Variants in CATSPER3 observed in about 807,000 individuals in gnomAD.
The protein encoded by CATSPER3 is cation channel sperm-associated protein 3.
Under a neutral mutation model 36.6 loss-of-function variants are expected in CATSPER3, and 23 were observed. The ratio of observed to expected loss-of-function variants is 0.63; its 90% confidence interval spans 0.45 to 0.89. The LOEUF (loss-of-function observed/expected upper bound fraction) is 0.89. Ranked by LOEUF, CATSPER3 falls within the 40% of genes least tolerant of loss-of-function variation. The pLI, the probability that CATSPER3 is intolerant of heterozygous loss-of-function variation, is 0.00. For synonymous variants in CATSPER3, 172 were observed against 184.1 expected, an observed-to-expected ratio of 0.93 and a Z score of 0.53; for missense variants, 474 against 503.9, an observed-to-expected ratio of 0.94 and a Z score of 0.57.
chr5:134,998,492 C>A (rs2149551223), intron 3 of CATSPER3, among the ~76,000 whole-genome samples: 1 of 152,324 alleles, frequency 6.6e-6, no homozygotes, highest in South Asian at 2.1e-4. Flanking sequence ...GAGGAATCGC[C>A]ACACTGTCTT....
At chr5:134,989,550 C>G (rs555056074) in intron 2 of CATSPER3, among the ~76,000 whole-genome samples, 7 of 152,316 alleles carry the variant, frequency 4.6e-5, no homozygotes, top group Admixed American at 1.3e-4. Context: ...TCTCAAACCT[C>G]AAGAACCAAC....
At chr5:134,977,654 C>A (rs1198487322) in intron 2 of CATSPER3, among the ~76,000 whole-genome samples, 1 of 152,196 alleles carries the variant, frequency 6.6e-6, no homozygotes, top group Non-Finnish European at 1.5e-5. Flanking sequence ...AGTTCCAAAG[C>A]TGCTTCCACA....
At chr5:135,000,823 T>G (rs1051382966) in intron 3 of CATSPER3, among the ~76,000 whole-genome samples, 5 of 152,178 alleles carry the variant, frequency 3.3e-5, no homozygotes, top group Admixed American at 6.5e-5. Flanking sequence ...TCTTCTTTAT[T>G]AGTCTTGCTA....
chr5:135,010,193 G>A (rs975731265), intron 6 of CATSPER3, among the ~76,000 whole-genome samples, 180 bp from the exon 7 acceptor site: 4 of 152,154 alleles, frequency 2.6e-5, no homozygotes, highest in South Asian at 4.1e-4. Flanking sequence ...AATGGTGGCC[G>A]CCTCACCCCG....
chr5:135,001,400 A>G (rs1263275461), intron 3 of CATSPER3, among the ~76,000 whole-genome samples: 1 of 152,226 alleles, frequency 6.6e-6, no homozygotes, highest in Non-Finnish European at 1.5e-5. Flanking sequence ...TGTGTTGCTG[A>G]GAAGAATGTA....
chr5:135,003,656 G>T (rs1210309264), intron 3 of CATSPER3, among the ~76,000 whole-genome samples: 1 of 152,228 alleles, frequency 6.6e-6, no homozygotes, highest in Non-Finnish European at 1.5e-5. Context: ...GCAATGGCAG[G>T]CGCCCATCCC....
intron 2 of CATSPER3, among the ~76,000 whole-genome samples, chr5:134,991,346 A>G (rs1028848536): frequency 1.3e-5 from 2 of 152,228 alleles, no homozygotes; most frequent in African/African-American, 4.8e-5. Context: ...ACAATATTGA[A>G]AACGAGGAAC....
At position 134,995,877 on chromosome 5, in the gene CATSPER3, C is replaced by A. The variant is rs545784303; in HGVS notation, c.253-396C>A. 2.0e-5 allele frequency: 6 copies of A among 299,818 alleles called. No homozygotes were observed. The East Asian group carries it at 3.8e-4, about 19-fold the overall frequency. 18.6% of individuals were successfully genotyped at this position (299,818 alleles called of 1,614,324 possible). A position where few individuals can be genotyped will look rare whatever the true frequency, so the allele number is the denominator to read the frequency against. On this transcript the variant is annotated intron_variant, in intron 2 of 7. Coordinates refer to ENST00000282611, the MANE Select transcript of CATSPER3 (RefSeq NM_178019.3). ...TGTATGATTAAGTTAATAGATTAAA[C>A]ATAAGTAGATATCTGAGTATTTCAT...
In CATSPER3 at chr5:135,010,518, C is replaced by T. The variant is rs781691005; in HGVS notation, c.1082C>T (p.Thr361Ile). Residue 361 changes from threonine (T) to isoleucine (I), a missense_variant, in exon 7 of 8, where the codon ACA becomes ATA. Physicochemically the swap from Thr to Ile is moderately conservative, Grantham distance 89. Coordinates refer to ENST00000282611, the MANE Select transcript of CATSPER3 (RefSeq NM_178019.3). ...TTTTCCACTCTGGACTACCAGGACA[C>T]AACTGTCCACAAGTCAGTTCCAGCC... ...IYFSTLDYQDTTVHKLQELYY... is the reference protein window; with the variant it reads ...IYFSTLDYQDITVHKLQELYY... The T allele has an allele frequency of 1.2e-6, 2 of 1,614,142 alleles. No homozygotes were observed.
intron 2 of CATSPER3, among the ~76,000 whole-genome samples, chr5:134,985,485 T>C (rs1751797292): frequency 6.6e-6 from 1 of 152,056 alleles, no homozygotes; most frequent in Non-Finnish European, 1.5e-5. Flanking sequence ...CCTATTGGGT[T>C]CAATGCACAC....
intron 6 of CATSPER3, among the ~76,000 whole-genome samples, chr5:135,010,145 G>A (rs914350485): frequency 6.6e-6 from 1 of 152,148 alleles, no homozygotes; most frequent in African/African-American, 2.4e-5. Context: ...GAGAGCCTGC[G>A]CTGAGCCTCA....
chr5:134,968,219 G>C, intron 1 of CATSPER3, 130 bp downstream of exon 1: 2 of 715,190 alleles, frequency 2.8e-6, no homozygotes, highest in Non-Finnish European at 5.0e-6. Flanking sequence ...GCATGTCCTT[G>C]ACAATCTGGT....
In CATSPER3 at chr5:134,996,428, C is replaced by T; in HGVS notation, c.408C>T (p.Gly136=). 6.2e-7 allele frequency: 1 copy of T among 1,614,190 alleles called. No homozygotes were observed. ...CCTATGCCCTCCGCCAGCTCATGGG[C>T]AAACAGTTCACTTACCTGTATATCG... ...FLPYALRQLM[G]KQFTYLYIAD... is the part of the protein sequence containing the mutation. Residue 136 remains glycine, a synonymous_variant, in exon 3 of 8, where the codon GGC becomes GGT. Coordinates refer to ENST00000282611, the MANE Select transcript of CATSPER3 (RefSeq NM_178019.3).
intron 3 of CATSPER3, among the ~76,000 whole-genome samples, chr5:135,002,762 G>A (rs1752037199): frequency 1.3e-5 from 2 of 152,198 alleles, no homozygotes; most frequent in South Asian, 2.1e-4. Context: ...TGAAGCTTGT[G>A]CATGCATCGC....
chr5:135,001,811 C>T (rs2149551992), intron 3 of CATSPER3, among the ~76,000 whole-genome samples: 1 of 152,188 alleles, frequency 6.6e-6, no homozygotes, highest in African/African-American at 2.4e-5. Context: ...TTTCCATTTG[C>T]TTGGTAGATT....
intron 2 of CATSPER3, among the ~76,000 whole-genome samples, chr5:134,971,990 A>T (rs1399126414): frequency 6.6e-6 from 1 of 152,202 alleles, no homozygotes; most frequent in African/African-American, 2.4e-5. Context: ...CAATAGAAAA[A>T]GATTGATGCT....
chr5:134,968,306 A>G (rs938056887), intron 1 of CATSPER3: 7 of 542,176 alleles, frequency 1.3e-5, no homozygotes, highest in African/African-American at 1.1e-4. Context: ...GACCAGTTTG[A>G]CTGTTAGATA....
intron 2 of CATSPER3, among the ~76,000 whole-genome samples, chr5:134,993,187 A>G (rs543506036): frequency 2.0e-4 from 31 of 152,362 alleles, no homozygotes; most frequent in African/African-American, 7.5e-4. Flanking sequence ...CATTCCATGA[A>G]GTGAAAAAAG....
At chr5:134,983,626 T>G (rs1038418413) in intron 2 of CATSPER3, among the ~76,000 whole-genome samples, 6 of 152,052 alleles carry the variant, frequency 3.9e-5, no homozygotes, top group Admixed American at 2.6e-4. Context: ...AAAAGATAGC[T>G]GGGGTGGCTA....
Sources: gnomAD v4.1 joint callset for allele counts (sites outside exome capture counted in the v4.1 genomes callset) on GRCh38, gnomAD v4.1.1 for gene constraint, MANE v1.5 for transcripts, NCBI Gene and HGNC (gene_info 2026-07-23, HGNC 2026-07-21) for gene names.